The following IGFL2 variants were observed in gnomAD, a reference collection of about 807,000 sequenced individuals.
IGFL2 encodes the protein IGF like family member 2.
A neutral mutation model predicts 13.9 loss-of-function variants in IGFL2; 7 were observed. The ratio of observed to expected loss-of-function variants is 0.51; its 90% CI spans 0.29 to 0.95. The LOEUF (loss-of-function observed/expected upper bound fraction) is 0.95, where lower values mean the gene tolerates loss of function less well. IGFL2 is among the 40% of genes least tolerant of loss of function. IGFL2 has a pLI of 0.08. For missense variants in IGFL2, 138 were observed against 147.8 expected (o/e 0.93, Z 0.34); for synonymous variants, 55 against 55.8 (o/e 0.99, Z 0.07).
the IGFL2 span, among the ~76,000 whole-genome samples, chr19:46,175,230 C>T: frequency 9.2e-5 from 14 of 152,112 alleles, no homozygotes; most frequent in African/African-American, 2.9e-4. Context: ...ATTTTATTCT[C>T]CCAGCACATT....
At chr19:46,135,915 C>G in the IGFL2 span, among the ~76,000 whole-genome samples, 1 of 152,230 alleles carries the variant, frequency 6.6e-6, no homozygotes. Flanking sequence ...TGAATACAGG[C>G]CCTCAGTCTT....
the IGFL2 span, among the ~76,000 whole-genome samples, chr19:46,170,225 G>A: frequency 6.6e-6 from 1 of 152,020 alleles, no homozygotes; most frequent in Non-Finnish European, 1.5e-5. Flanking sequence ...ACTCACTGTT[G>A]TGTATCAGTG....
chr19:46,079,525 C>G, the IGFL2 span, among the ~76,000 whole-genome samples: 3 of 152,176 alleles, frequency 2.0e-5, no homozygotes, highest in Non-Finnish European at 2.9e-5. Flanking sequence ...CACACGGGCT[C>G]AGAAGTTCTT....
At chr19:46,173,278 G>T in the IGFL2 span, among the ~76,000 whole-genome samples, 1 of 152,158 alleles carries the variant, frequency 6.6e-6, no homozygotes, top group African/African-American at 2.4e-5. Flanking sequence ...CCTATATGGA[G>T]CCCAGAAGGT....
chr19:46,118,658 G>T, the IGFL2 span, among the ~76,000 whole-genome samples: 1 of 152,322 alleles, frequency 6.6e-6, no homozygotes, highest in East Asian at 1.9e-4. Context: ...CCAGACATCA[G>T]GTATCTACAG....
chr19:46,097,513 C>A, the IGFL2 span, among the ~76,000 whole-genome samples: 1 of 152,016 alleles, frequency 6.6e-6, no homozygotes, highest in Non-Finnish European at 1.5e-5. Context: ...CTATCTCCTT[C>A]AGTTCCATTC....
At chr19:46,143,210 A>G (rs1273585186), upstream of IGFL2, 1 of 152,340 alleles carries the variant, frequency 6.6e-6, no homozygotes, top group Non-Finnish European at 1.5e-5. Flanking sequence ...CACTGAACAC[A>G]TAGTAAATAT....
chr19:46,176,153 C>T, the IGFL2 span, among the ~76,000 whole-genome samples: 2 of 147,008 alleles, frequency 1.4e-5, no homozygotes, highest in Non-Finnish European at 3.0e-5. Context: ...GTTCCCAGCC[C>T]AGCACTATTT....
At chr19:46,146,030 T>A (rs953052264), upstream of IGFL2, among the ~76,000 whole-genome samples, 1 of 152,196 alleles carries the variant, frequency 6.6e-6, no homozygotes, top group Non-Finnish European at 1.5e-5. Context: ...ATGCTTTTGA[T>A]GTCTTTTCCC....
the IGFL2 span, chr19:46,190,044 C>A: frequency 6.6e-6 from 1 of 152,094 alleles, no homozygotes; most frequent in African/African-American, 2.4e-5. Flanking sequence ...GACCCCAAAG[C>A]CCAGAACCCA....
At chr19:46,116,728 C>G in the IGFL2 span, among the ~76,000 whole-genome samples, 2 of 152,070 alleles carry the variant, frequency 1.3e-5, no homozygotes, top group Non-Finnish European at 2.9e-5. Flanking sequence ...TTATTTGATA[C>G]AATGTGATGT....
the IGFL2 span, among the ~76,000 whole-genome samples, chr19:46,080,493 C>G: frequency 6.6e-6 from 1 of 152,190 alleles, no homozygotes; most frequent in Admixed American, 6.5e-5. Context: ...GGGAATGATT[C>G]TATTTGAATG....
chr19:46,203,476 G>GT, the IGFL2 span: 1 of 152,272 alleles, frequency 6.6e-6, no homozygotes, highest in Non-Finnish European at 1.5e-5. Context: ...GTTTCTTACA[G>GT]TTTTTGCTGC....
chr19:46,139,602 G>C (rs1311776869), upstream of IGFL2, among the ~76,000 whole-genome samples: 1 of 151,956 alleles, frequency 6.6e-6, no homozygotes, highest in Non-Finnish European at 1.5e-5. Flanking sequence ...ATGACACAGG[G>C]ATCAATCCAA....
downstream of IGFL2, among the ~76,000 whole-genome samples, chr19:46,165,439 TCCAGAAAC>T (rs1974354423): frequency 6.6e-6 from 1 of 152,186 alleles, no homozygotes; most frequent in Non-Finnish European, 1.5e-5. Flanking sequence ...AAGGACACCT[TCCAGAAAC>T]CAAAGTCTGG....
At chr19:46,104,342 A>C in the IGFL2 span, among the ~76,000 whole-genome samples, 2 of 152,176 alleles carry the variant, frequency 1.3e-5, no homozygotes, top group Admixed American at 6.5e-5. Context: ...TGTGTCTTTA[A>C]AAGACCATTA....
chr19:46,089,440 A>G, the IGFL2 span, among the ~76,000 whole-genome samples: 3 of 152,180 alleles, frequency 2.0e-5, no homozygotes, highest in East Asian at 5.8e-4. Context: ...TTGACTGTAT[A>G]CTTACTTTTA....
At position 46,148,302 on chromosome 19, in the gene IGFL2, G is replaced by C. The variant is rs1012961436; in HGVS notation, c.19+5G>C. 1 of 1,551,324 alleles carries C rather than the reference G, an allele frequency of 6.4e-7. No individual in the cohort carries two copies. Among genetic ancestry groups the C allele is most frequent in the South Asian group, 1.2e-5 (1 of 84,048 alleles). On this transcript the variant is annotated splice_donor_5th_base_variant and intron_variant, in intron 1 of 3. Transcript: ENST00000377693. The stretch of plus-strand genomic sequence containing the variant: ...CCATGGTGCCCAGAATCTTCGGTAA[G>C]GTAACCCTTGCCCCAGGTTGAGCTA...
chr19:46,081,585 T>A, the IGFL2 span, among the ~76,000 whole-genome samples: 2 of 152,226 alleles, frequency 1.3e-5, no homozygotes, highest in East Asian at 3.8e-4. Flanking sequence ...CTGATAAGCC[T>A]TGTCTTATCA....
Sources: gnomAD v4.1 joint callset for allele counts (sites outside exome capture counted in the v4.1 genomes callset) on GRCh38, gnomAD v4.1.1 for gene constraint, MANE v1.5 for transcripts, NCBI Gene and HGNC (gene_info 2026-07-23, HGNC 2026-07-21) for gene names.